Variants in TRMT1L observed in about 807,000 individuals in gnomAD.
TRMT1L encodes tRNA (guanine(27)-N(2))-dimethyltransferase.
TRMT1L carries 28 observed loss-of-function variants against 81.6 expected under a neutral mutation model. That is an observed-to-expected ratio of 0.34 (90% CI 0.25 to 0.47). The LOEUF (loss-of-function observed/expected upper bound fraction) is 0.47, where lower values mean the gene tolerates loss of function less well. TRMT1L is among the 20% of genes least tolerant of loss of function. The pLI, the probability that TRMT1L is intolerant of heterozygous loss-of-function variation, is 1.00. For missense variants in TRMT1L, 739 were observed against 877.1 expected, an observed-to-expected ratio of 0.84 and a Z score of 1.99; for synonymous variants, 301 against 303.2, an observed-to-expected ratio of 0.99 and a Z score of 0.07.
Position 185,143,938 on chromosome 1 carries a change from A to G in TRMT1L, c.747T>C (p.Asp249=). The change falls in exon 6 of 15, where the codon GAT becomes GAC. Residue 249 remains aspartate, a synonymous_variant. Transcript: ENST00000367506. ...CPNYSIPQKT[D]SYFNPKMKLN... ...GTTTCATTTTGGGGTTAAAATAGGA[A>G]TCTGTTTTCTGAGGTATAGAATAGT... 6.2e-7 allele frequency: 1 copy of G among 1,608,824 alleles called. No individual in the cohort carries two copies. The highest frequency in any genetic ancestry group is 8.5e-7 in the Non-Finnish European group (1 of 1,176,698).
intron 12 of TRMT1L, 94 bp downstream of exon 12, chr1:185,124,850 T>C (rs778559520): frequency 7.7e-6 from 9 of 1,165,784 alleles, no homozygotes; most frequent in Non-Finnish European, 1.1e-5. Context: ...TTTATAATTA[T>C]ATTGGTTTTA....
intron 10 of TRMT1L, among the ~76,000 whole-genome samples, chr1:185,133,159 TA>T (rs1652815263): frequency 6.6e-6 from 1 of 152,206 alleles, no homozygotes; most frequent in Non-Finnish European, 1.5e-5. Flanking sequence ...ACAAGCACAG[TA>T]AGTATTAATT....
chr1:185,137,291 G>T, intron 10 of TRMT1L: 3 of 353,282 alleles, frequency 8.5e-6, no homozygotes, highest in South Asian at 2.9e-5. Flanking sequence ...TAAAATTAAT[G>T]ATTTGTAACA....
chr1:185,154,395 T>C (rs1394391208), intron 1 of TRMT1L, among the ~76,000 whole-genome samples: 2 of 152,166 alleles, frequency 1.3e-5, no homozygotes, highest in African/African-American at 4.8e-5. Context: ...TTGGTTAATT[T>C]CCTATATCAG....
intron 1 of TRMT1L, among the ~76,000 whole-genome samples, chr1:185,154,846 C>T (rs1300941443): frequency 1.3e-5 from 2 of 152,208 alleles, no homozygotes; most frequent in Non-Finnish European, 2.9e-5. Flanking sequence ...TTGTAACACA[C>T]TATTAATCCA....
At chr1:185,135,243 C>A (rs1288180122) in intron 10 of TRMT1L, among the ~76,000 whole-genome samples, 1 of 151,850 alleles carries the variant, frequency 6.6e-6, no homozygotes, top group East Asian at 1.9e-4. Context: ...TGGTGAAACC[C>A]CGTCTCTACT....
At chr1:185,154,451 G>GTA (rs1653440675) in intron 1 of TRMT1L, among the ~76,000 whole-genome samples, 1 of 152,162 alleles carries the variant, frequency 6.6e-6, no homozygotes, top group Admixed American at 6.5e-5. Flanking sequence ...CTATAAACAG[G>GTA]TAAAACTTCT....
chr1:185,147,202 G>T lies in TRMT1L; in HGVS notation c.505C>A (p.Pro169Thr), dbSNP rs200939961. ...ATCACCTGTTCTCCAATAATGTTTG[G>T]TTTCACTGGTCGACAAGGTAAGTGA... ...ICHLPCRPVK[P>T]NIIGEQITSK... Residue 169 changes from proline (P) to threonine (T), a missense_variant, in exon 4 of 15, where the codon CCA (proline) becomes ACA (threonine). Pro to Thr is a conservative substitution (Grantham distance 38). This residue lies in a region of TRMT1L where 331 missense variants were observed against 462.2 expected (regional missense o/e 0.72). Transcript: ENST00000367506. 1 of 1,609,950 alleles carries T rather than the reference G, an allele frequency of 6.2e-7. No homozygotes were observed. Among genetic ancestry groups the T allele is most frequent in the Non-Finnish European group, 8.5e-7 (1 of 1,177,362 alleles).
intron 9 of TRMT1L, among the ~76,000 whole-genome samples, chr1:185,138,179 T>C (rs1652947703): frequency 6.6e-6 from 1 of 152,228 alleles, no homozygotes; most frequent in Admixed American, 6.5e-5. Context: ...GTAATGACTA[T>C]ATGCAGGATA....
intron 3 of TRMT1L, among the ~76,000 whole-genome samples, chr1:185,148,388 A>T (rs1240760682): frequency 6.6e-6 from 1 of 152,166 alleles, no homozygotes; most frequent in Non-Finnish European, 1.5e-5. Flanking sequence ...CTACTTGCTC[A>T]AGTCCCAAAC....
At chr1:185,155,861 A>T (rs978087534) in intron 1 of TRMT1L, among the ~76,000 whole-genome samples, 1 of 152,230 alleles carries the variant, frequency 6.6e-6, no homozygotes, top group Non-Finnish European at 1.5e-5. Flanking sequence ...TGGAGTACAA[A>T]ACTCAATTGG....
Position 185,147,165 on chromosome 1 carries a change from AT to A in TRMT1L, c.525+16del. 1 of 1,575,408 alleles carries A rather than the reference AT, an allele frequency of 6.3e-7. No individual in the cohort carries two copies. The highest frequency in any genetic ancestry group is 1.2e-5 in the South Asian group (1 of 86,088). On this transcript the variant is annotated intron_variant, in intron 4 of 14. Coordinates refer to ENST00000367506, the MANE Select transcript of TRMT1L (RefSeq NM_030934.5). Reference sequence around the variant, plus strand: ...AAGGACTAAATTTAAAAATAAAAAAATCTAATATCTGATCACCTGTTCTCCA... The same window carrying A: ...AAGGACTAAATTTAAAAATAAAAAAACTAATATCTGATCACCTGTTCTCCA...
intron 10 of TRMT1L, among the ~76,000 whole-genome samples, chr1:185,131,947 C>G (rs898685489): frequency 6.6e-6 from 1 of 151,880 alleles, no homozygotes; most frequent in African/African-American, 2.4e-5. Context: ...TCGAGACCAG[C>G]CTGGCCAATG....
rs1235831469 is a variant in TRMT1L at position 185,119,301 on chromosome 1, C to G, written c.*718G>C. ...ACCTTTTTAATTTATAACCAAATCT[C>G]TCCTCTTCAGGATTTCAGTGCTCAT... On this transcript the variant is annotated 3_prime_UTR_variant, in exon 15 of 15. Transcript: ENST00000367506. The G allele has an allele frequency of 6.6e-6, 1 of 152,084 alleles. No homozygotes were observed. Among genetic ancestry groups the G allele is most frequent in the Non-Finnish European group, 1.5e-5 (1 of 67,996 alleles). The allele number at this position is 152,084 out of a possible 1,614,324, so 9.4% of individuals were successfully genotyped here.
At chr1:185,143,588 G>A (rs1653106818) in intron 6 of TRMT1L, 152 bp from the exon 7 acceptor site, 1 of 627,082 alleles carries the variant, frequency 1.6e-6, no homozygotes, top group Non-Finnish European at 2.6e-6. Flanking sequence ...AATACTATAA[G>A]AACTAAAAAT....
intron 2 of TRMT1L, 22 bp downstream of exon 2, chr1:185,151,803 A>G (rs746793066): frequency 6.6e-7 from 1 of 1,511,234 alleles, no homozygotes. Flanking sequence ...AAGAAAAAAA[A>G]AAAACCCAAA....
At chr1:185,140,348 A>G in intron 7 of TRMT1L, 126 bp from the exon 8 acceptor site, 1 of 836,278 alleles carries the variant, frequency 1.2e-6, no homozygotes, top group Non-Finnish European at 1.8e-6. Flanking sequence ...CATGAATCTT[A>G]TTCCTTCTTA....
At chr1:185,151,978 T>C (rs757005435) in intron 1 of TRMT1L, 43 bp from the exon 2 acceptor site, 1 of 1,258,274 alleles carries the variant, frequency 7.9e-7, no homozygotes, top group Non-Finnish European at 1.1e-6. Context: ...ACAGTTTGTA[T>C]TCTAGTTCCA....
Position 185,151,949 on chromosome 1 carries a change from T to C in TRMT1L, c.236-14A>G. On this transcript the variant is annotated splice_polypyrimidine_tract_variant and intron_variant, in intron 1 of 14. Coordinates refer to ENST00000367506, the MANE Select transcript of TRMT1L (RefSeq NM_030934.5). ...AGATGTGTCTCTCTGAAAAAAAAAA[T>C]TGAGAAGATTATGCTTTAACAGTTT... is the stretch of plus-strand genomic sequence containing the variant. 1 of 1,479,206 alleles carries C rather than the reference T, an allele frequency of 6.8e-7. No homozygotes were observed. Among genetic ancestry groups the C allele is most frequent in the Non-Finnish European group, 9.2e-7 (1 of 1,082,596 alleles). 91.6% of individuals were successfully genotyped at this position (1,479,206 alleles called of 1,614,324 possible). A position where few individuals can be genotyped will look rare whatever the true frequency, so the allele number is the denominator to read the frequency against.
Sources: allele counts gnomAD v4.1 joint callset (sites outside exome capture counted in the v4.1 genomes callset), GRCh38; gene constraint gnomAD v4.1.1; regional missense constraint gnomAD v4.1.1; transcripts MANE v1.5; gene names NCBI Gene and HGNC (gene_info 2026-07-23, HGNC 2026-07-21).